Variants in MLIP observed in about 807,000 individuals in gnomAD.
MLIP encodes muscular LMNA interacting protein, also known as muscular LMNA-interacting protein.
Under a neutral mutation model 84.8 loss-of-function variants are expected in MLIP, and 79 were observed. The ratio of observed to expected loss-of-function variants is 0.93; its 90% CI spans 0.78 to 1.12. The LOEUF (loss-of-function observed/expected upper bound fraction) is 1.12, where lower values mean the gene tolerates loss of function less well. Ranked by LOEUF, MLIP falls within the 50% of genes most tolerant of loss-of-function variation. The pLI is 0.00. For missense variants in MLIP, 1,257 were observed against 1,160.6 expected, an observed-to-expected ratio of 1.08 and a Z score of -1.21; for synonymous variants, 504 against 463.0, an observed-to-expected ratio of 1.09 and a Z score of -1.14.
At position 54,085,283 on chromosome 6, in the gene MLIP, GT is replaced by G. The variant is rs1265187048; in HGVS notation, c.64-36163del. Among the ~76,000 whole-genome samples, 3 of 152,190 alleles carry G rather than the reference GT, an allele frequency of 2.0e-5. No individual in the cohort carries two copies. The East Asian group carries it at 5.8e-4, about 29-fold the overall frequency. On this transcript the variant is annotated intron_variant, in intron 1 of 12. Coordinates refer to the MLIP transcript ENST00000274897. ...TTGTGTGACAATAGTTAAGACTGCA[GT>G]GCTATGGAGTCAGAAAGACCTGTGC...
intron 8 of MLIP, 75 bp from the exon 9 acceptor site, chr6:54,169,453 A>G: frequency 1.0e-6 from 1 of 961,196 alleles, no homozygotes; most frequent in Non-Finnish European, 1.5e-6. Context: ...AAGAAGGTGA[A>G]CACATTCCAG....
chr6:54,246,050 A>G (rs562473815), intron 12 of MLIP, among the ~76,000 whole-genome samples: 1 of 152,304 alleles, frequency 6.6e-6, no homozygotes, highest in East Asian at 1.9e-4. Context: ...ACTTACAGCC[A>G]TCAAATAATG....
intron 11 of MLIP, chr6:54,216,819 C>T (rs993605049): frequency 2.0e-6 from 2 of 985,140 alleles, no homozygotes; most frequent in South Asian, 4.7e-5. Flanking sequence ...TTGGCTTTAT[C>T]TTAGTGAAAT....
Position 54,121,481 on chromosome 6 carries a change from T to C in MLIP, c.131T>C (p.Ile44Thr). 6.2e-7 allele frequency: 1 copy of C among 1,614,120 alleles called. No individual in the cohort carries two copies. Among genetic ancestry groups the C allele is most frequent in the Non-Finnish European group, 8.5e-7 (1 of 1,180,010 alleles). The change falls in exon 2 of 14, where the codon ATC becomes ACC. Residue 44 changes from isoleucine to threonine, a missense_variant. Coordinates refer to ENST00000502396, the MANE Select transcript of MLIP (RefSeq NM_001281747.2). ...SAGGSEAKPL[I>T]FTFVPTVRRL... ...GGTGGTTCTGAAGCCAAACCTCTGA[T>C]CTTCACATTTGTCCCCACTGTCAGA...
intron 11 of MLIP, chr6:54,203,859 T>C (rs1318115325): frequency 2.0e-5 from 3 of 152,436 alleles, no homozygotes; most frequent in African/African-American, 7.2e-5. Flanking sequence ...GTGCTGGGAT[T>C]ACAGCCGTGA....
chr6:54,208,277 T>TTA (rs1161246845), intron 11 of MLIP, among the ~76,000 whole-genome samples: 1 of 152,076 alleles, frequency 6.6e-6, no homozygotes, highest in Non-Finnish European at 1.5e-5. Flanking sequence ...TATTCTGAGA[T>TTA]TAGAAAGTTC....
chr6:54,121,454 C>A lies in MLIP; in HGVS notation c.104C>A (p.Ala35Asp), dbSNP rs1407981046. ...TAACTACATGTCTCATAGGTCTCTG[C>A]TGGTGGTTCTGAAGCCAAACCTCTG... ...GSIQTTPQVS[A>D]GGSEAKPLIF... Residue 35 changes from alanine to aspartate, a missense_variant, in exon 2 of 14, where the codon GCT (alanine) becomes GAT (aspartate). By Grantham distance (126) the Ala-to-Asp change is moderately radical (BLOSUM62 -2). Transcript: ENST00000502396. The A allele has an allele frequency of 6.2e-7, 1 of 1,613,870 alleles. No homozygotes were observed. Among genetic ancestry groups the A allele is most frequent in the Non-Finnish European group, 8.5e-7 (1 of 1,179,970 alleles).
intron 1 of MLIP, among the ~76,000 whole-genome samples, chr6:54,086,521 C>T (rs1174230803): frequency 2.0e-5 from 3 of 152,124 alleles, no homozygotes; most frequent in Admixed American, 2.0e-4. Flanking sequence ...GCTTAATATG[C>T]TCATTGCTAC....
intron 3 of MLIP, among the ~76,000 whole-genome samples, chr6:54,129,611 G>A (rs1048587015): frequency 6.6e-6 from 1 of 152,128 alleles, no homozygotes; most frequent in Admixed American, 6.5e-5. Flanking sequence ...CTTCTGACCC[G>A]AGAGATTTAG....
Position 54,137,489 on chromosome 6 carries a change from G to A in MLIP, c.1420G>A (p.Gly474Arg). ...KSLSSCSLRA[G>R]SPDQGELQVS... ...TCTCTCAAGTTGTTCCCTGAGAGCC[G>A]GGTCACCAGATCAAGGGGAACTCCA... Residue 474 changes from glycine to arginine, a missense_variant, in exon 4 of 14, where the codon GGG becomes AGG. Transcript: ENST00000502396. 4 of 1,535,980 alleles carry A rather than the reference G, an allele frequency of 2.6e-6. No homozygotes were observed. Among genetic ancestry groups the A allele is most frequent in the Non-Finnish European group, 3.5e-6 (4 of 1,146,880 alleles).
intron 9 of MLIP, among the ~76,000 whole-genome samples, chr6:54,181,417 G>C (rs1405474162): frequency 6.6e-6 from 1 of 152,086 alleles, no homozygotes; most frequent in Non-Finnish European, 1.5e-5. Context: ...CAGGCAATGG[G>C]CTCCCTTCTG....
At chr6:54,198,279 C>T (rs1381137419) in intron 10 of MLIP, among the ~76,000 whole-genome samples, 1 of 152,058 alleles carries the variant, frequency 6.6e-6, no homozygotes, top group Non-Finnish European at 1.5e-5. Context: ...AGCCTTCATT[C>T]TAAGGGTCAA....
At chr6:54,217,742 A>G in intron 11 of MLIP, 6 of 985,298 alleles carry the variant, frequency 6.1e-6, no homozygotes, top group Non-Finnish European at 7.2e-6. Flanking sequence ...GCATTTTATC[A>G]GAAATAACTA....
intron 1 of MLIP, among the ~76,000 whole-genome samples, chr6:54,028,309 C>T (rs1376317905): frequency 1.3e-5 from 2 of 151,916 alleles, no homozygotes; most frequent in East Asian, 3.9e-4. Context: ...TCAAAATAGG[C>T]CTAGTACCCT....
chr6:54,170,141 C>T (rs1775628215), intron 9 of MLIP, among the ~76,000 whole-genome samples: 2 of 151,626 alleles, frequency 1.3e-5, no homozygotes, highest in Non-Finnish European at 3.0e-5. Context: ...ATCCCAAGGC[C>T]AGTGTTCACT....
At chr6:54,109,616 G>T (rs760925400), upstream of MLIP, among the ~76,000 whole-genome samples, 1 of 151,756 alleles carries the variant, frequency 6.6e-6, no homozygotes, top group African/African-American at 2.4e-5. Flanking sequence ...CCCTTTCCCC[G>T]TTCTTCTAAG....
Position 54,165,103 on chromosome 6 carries a change from G to A in MLIP, c.2499+4304G>A, listed in dbSNP as rs146586550. ...AGCTAAGTTGGGTGTATATATGCCT[G>A]GTGCCTGGGGTGGCAGGTCCTGAAG... On this transcript the variant is annotated intron_variant, in intron 8 of 13. Transcript: ENST00000502396. Among the ~76,000 whole-genome samples the A allele has an allele frequency of 8.9e-3, 1,354 of 152,040 alleles. 8 individuals carry two copies. The highest frequency in any genetic ancestry group is 0.017 in the Middle Eastern group (5 of 294).
At chr6:54,252,893 T>C (rs1582638164) in intron 12 of MLIP, among the ~76,000 whole-genome samples, 1 of 152,252 alleles carries the variant, frequency 6.6e-6, no homozygotes, top group South Asian at 2.1e-4. Context: ...TGAAGGATCT[T>C]CAGTTTTCAA....
chr6:54,241,333 A>G (rs1470355350), intron 12 of MLIP, among the ~76,000 whole-genome samples: 2 of 151,902 alleles, frequency 1.3e-5, no homozygotes, highest in Non-Finnish European at 2.9e-5. Context: ...TATAGTATAT[A>G]CTGTAACCTA....
Sources: allele counts gnomAD v4.1 joint callset (sites outside exome capture counted in the v4.1 genomes callset), GRCh38; gene constraint gnomAD v4.1.1; transcripts MANE v1.5; gene names NCBI Gene and HGNC (gene_info 2026-07-23, HGNC 2026-07-21).